ZBTB16: variants seen among roughly 807,000 people sequenced by gnomAD.
ZBTB16 encodes zinc finger and BTB domain containing 16, also known as zinc finger and BTB domain-containing protein 16.
In ZBTB16, 8 loss-of-function variants were observed where a neutral mutation model predicts 56.8. That is an observed-to-expected ratio of 0.14 (90% CI 0.08 to 0.25). The LOEUF (loss-of-function observed/expected upper bound fraction) is 0.25. Among genes scored for constraint, ZBTB16 ranks in the 10% least tolerant of loss-of-function variants. The pLI is 1.00. For synonymous variants in ZBTB16, 363 were observed against 368.5 expected (o/e 0.98, Z 0.17); for missense variants, 625 against 903.0 (o/e 0.69, Z 3.95).
Position 114,142,951 on chromosome 11 carries a change from T to C in ZBTB16, c.1269-13386T>C, listed in dbSNP as rs558162629. Reference sequence around the variant, plus strand: ...GTAAAGGACATTTTTATGTGTGGGCTTAAAACCAGCAATGTCAGGGAGGAG... The same window carrying C: ...GTAAAGGACATTTTTATGTGTGGGCCTAAAACCAGCAATGTCAGGGAGGAG... On this transcript the variant is annotated intron_variant, in intron 2 of 6. Transcript: ENST00000335953. Among the ~76,000 whole-genome samples, 8 of 152,290 alleles carry C rather than the reference T, an allele frequency of 5.3e-5. No individual in the cohort carries two copies. In the South Asian group the frequency reaches 1.2e-3, roughly 24 times the overall value.
intron 2 of ZBTB16, among the ~76,000 whole-genome samples, chr11:114,146,215 C>G (rs1942095947): frequency 6.6e-6 from 1 of 152,004 alleles, no homozygotes; most frequent in Admixed American, 6.6e-5. Context: ...ATTCAATTTA[C>G]TTTTTTTCTT....
At chr11:114,136,790 T>C (rs1022837295) in intron 2 of ZBTB16, among the ~76,000 whole-genome samples, 4 of 152,192 alleles carry the variant, frequency 2.6e-5, no homozygotes, top group African/African-American at 9.7e-5. Flanking sequence ...GGGGCTTCCA[T>C]TTTATTTTTA....
chr11:114,229,183 T>A (rs138668464), intron 4 of ZBTB16, among the ~76,000 whole-genome samples: 3 of 152,284 alleles, frequency 2.0e-5, no homozygotes, highest in Non-Finnish European at 4.4e-5. Context: ...TCAATAGGAG[T>A]AACAAATGGT....
intron 4 of ZBTB16, among the ~76,000 whole-genome samples, chr11:114,225,033 G>C (rs1423640829): frequency 6.6e-6 from 1 of 152,140 alleles, no homozygotes; most frequent in Non-Finnish European, 1.5e-5. Flanking sequence ...TGGTTAGTTA[G>C]ACCGATCCAA....
chr11:114,234,439 C>G (rs1484082796), intron 4 of ZBTB16, among the ~76,000 whole-genome samples: 1 of 152,190 alleles, frequency 6.6e-6, no homozygotes, highest in African/African-American at 2.4e-5. Context: ...GAACTTGTCT[C>G]CCACTCACCA....
In ZBTB16 at chr11:114,252,607, T is replaced by C. The variant is rs905296726; in HGVS notation, c.*2052T>C. 1.3e-5 allele frequency among the ~76,000 whole-genome samples: 2 copies of C among 152,234 alleles called. No homozygotes were observed. The highest frequency in any genetic ancestry group is 2.9e-5 in the Non-Finnish European group (2 of 68,034). The stretch of plus-strand genomic sequence containing the variant: ...GGGACGGACCCTCCGTTTCATCTCA[T>C]GCTTTATGTGTAAGAGTTTTTTATT... On this transcript the variant is annotated 3_prime_UTR_variant, in exon 7 of 7. Coordinates refer to ENST00000335953, the MANE Select transcript of ZBTB16 (RefSeq NM_006006.6).
chr11:114,144,104 G>A (rs141776743), intron 2 of ZBTB16, among the ~76,000 whole-genome samples: 5 of 151,806 alleles, frequency 3.3e-5, no homozygotes, highest in Admixed American at 6.6e-5. Flanking sequence ...CGCTTGGACC[G>A]TCTCAGCATT....
At chr11:114,124,113 G>C (rs1178975698) in intron 2 of ZBTB16, among the ~76,000 whole-genome samples, 1 of 152,110 alleles carries the variant, frequency 6.6e-6, no homozygotes, top group Non-Finnish European at 1.5e-5. Flanking sequence ...AGTCCAGCCT[G>C]ATTCTCTTTG....
At chr11:114,210,192 T>TGTGTGTGTGTGTGTGTGC (rs773801156) in intron 4 of ZBTB16, among the ~76,000 whole-genome samples, 38 of 143,342 alleles carry the variant, frequency 2.7e-4, no homozygotes, top group African/African-American at 9.6e-4. Flanking sequence ...TGTGTGTGTG[T>TGTGTGTGTGTGTGTGTGC]GCGTGCGCGC....
At chr11:114,079,104 A>T (rs894105838) in intron 2 of ZBTB16, among the ~76,000 whole-genome samples, 1 of 78,024 alleles carries the variant, frequency 1.3e-5, no homozygotes, top group Admixed American at 1.1e-4. Context: ...TCTCATTAAA[A>T]AAAAAAAAAG....
rs538741723 is a variant in ZBTB16 at position 114,156,365 on chromosome 11, G to A, written c.1297G>A (p.Gly433Arg). The A allele has an allele frequency of 5.6e-6, 9 of 1,614,120 alleles. No individual in the cohort carries two copies. The highest frequency in any genetic ancestry group is 5.3e-5 in the African/African-American group (4 of 74,944). ...RKLHSGMKTYGCELCGKRFLD... is the reference protein window; with the variant it reads ...RKLHSGMKTYRCELCGKRFLD... ...GCTGCACAGTGGGATGAAGACGTACGGGTGCGAGCTCTGCGGGAAGCGGTT... is the reference window on the plus strand; with the variant it reads ...GCTGCACAGTGGGATGAAGACGTACAGGTGCGAGCTCTGCGGGAAGCGGTT... Residue 433 changes from glycine to arginine, a missense_variant, in exon 3 of 7, where the codon GGG becomes AGG. Physicochemically the swap from Gly to Arg is moderately radical, Grantham distance 125. Around this residue, in one of 6 missense-constraint regions of ZBTB16, gnomAD observed 140 missense variants for 214.8 expected, o/e 0.65. Coordinates refer to ENST00000335953, the MANE Select transcript of ZBTB16 (RefSeq NM_006006.6).
intron 3 of ZBTB16, among the ~76,000 whole-genome samples, chr11:114,156,962 C>T (rs985169921): frequency 3.3e-5 from 5 of 152,078 alleles, no homozygotes; most frequent in Non-Finnish European, 7.4e-5. Flanking sequence ...TGGGGAGAAG[C>T]ACCTGACATT....
At chr11:114,247,471 T>A (rs1322363121) in intron 6 of ZBTB16, 106 bp downstream of exon 6, 1 of 1,496,968 alleles carries the variant, frequency 6.7e-7, no homozygotes, top group Non-Finnish European at 9.2e-7. Context: ...CCAGGCTGAA[T>A]CAAAGAGTAG....
intron 3 of ZBTB16, among the ~76,000 whole-genome samples, chr11:114,185,355 A>G (rs1461925298): frequency 1.3e-5 from 2 of 152,198 alleles, no homozygotes; most frequent in Non-Finnish European, 2.9e-5. Context: ...ATTCGAACAG[A>G]TGGAAGAATG....
intron 2 of ZBTB16, among the ~76,000 whole-genome samples, chr11:114,092,813 A>G (rs1248795751): frequency 6.6e-6 from 1 of 152,254 alleles, no homozygotes; most frequent in East Asian, 1.9e-4. Context: ...ATGAGTCTGA[A>G]GAGCCAAAAT....
chr11:114,097,796 C>T (rs978219878), intron 2 of ZBTB16, among the ~76,000 whole-genome samples: 2 of 152,088 alleles, frequency 1.3e-5, no homozygotes, highest in Admixed American at 1.3e-4. Flanking sequence ...TCTAGTTGAC[C>T]TCTTCCCAGA....
At chr11:114,115,772 G>A (rs760894061) in intron 2 of ZBTB16, among the ~76,000 whole-genome samples, 38 of 152,136 alleles carry the variant, frequency 2.5e-4, no homozygotes, top group Non-Finnish European at 5.0e-4. Flanking sequence ...CTCCGCTGAC[G>A]GCCCGCTAAT....
At chr11:114,083,880 T>G (rs1939869220) in intron 2 of ZBTB16, among the ~76,000 whole-genome samples, 1 of 152,234 alleles carries the variant, frequency 6.6e-6, no homozygotes. Context: ...GCAGTTTCTC[T>G]TCTATGATTT....
intron 2 of ZBTB16, among the ~76,000 whole-genome samples, chr11:114,112,760 CTTTTTTTTTT>C (rs398017637): frequency 3.0e-5 from 4 of 133,138 alleles, no homozygotes; most frequent in African/African-American, 5.7e-5. Flanking sequence ...AGTTCATTTT[CTTTTTTTTTT>C]TTTTTTTTTA....
Sources: gnomAD v4.1 joint callset for allele counts (sites outside exome capture counted in the v4.1 genomes callset) on GRCh38, gnomAD v4.1.1 for gene constraint, gnomAD v4.1.1 regional missense constraint, MANE v1.5 for transcripts, NCBI Gene and HGNC (gene_info 2026-07-23, HGNC 2026-07-21) for gene names.